Variants in PRRC2B observed in about 807,000 individuals in gnomAD.
PRRC2B encodes protein PRRC2B.
A neutral mutation model predicts 242.3 loss-of-function variants in PRRC2B; 68 were observed. The ratio of observed to expected loss-of-function variants is 0.28; its 90% CI spans 0.23 to 0.34. PRRC2B has a LOEUF of 0.34. Among genes scored for constraint, PRRC2B ranks in the 10% least tolerant of loss-of-function variants. The pLI is 1.00. For synonymous variants in PRRC2B, 1,228 were observed against 1,173.6 expected (o/e 1.05, Z -0.95); for missense variants, 2,835 against 2,954.8 (o/e 0.96, Z 0.94).
At chr9:131,383,963 G>C (rs1167173472) in intron 1 of PRRC2B, among the ~76,000 whole-genome samples, 1 of 151,956 alleles carries the variant, frequency 6.6e-6, no homozygotes, top group South Asian at 2.1e-4. Flanking sequence ...CTGTCACCCA[G>C]GTTGGAGTCC....
chr9:131,386,217 A>G lies in PRRC2B; in HGVS notation c.-56+12486A>G, dbSNP rs973742679. ...AGCCTCGACTTCCTGGGCTCAAGCA[A>G]TCCTCCCACCTCAGCCTCCGGAATA... On this transcript the variant is annotated intron_variant, in intron 1 of 1. Coordinates refer to the PRRC2B transcript ENST00000682525. Among the ~76,000 whole-genome samples, 36 of 149,940 alleles carry G rather than the reference A, an allele frequency of 2.4e-4. 2 individuals are homozygous for G. The highest frequency in any genetic ancestry group is 2.1e-4 in the Admixed American group (3 of 14,358).
chr9:131,486,851 G>C (rs1944038235), intron 26 of PRRC2B, among the ~76,000 whole-genome samples: 1 of 152,234 alleles, frequency 6.6e-6, no homozygotes, highest in African/African-American at 2.4e-5. Context: ...CAGACTGCAT[G>C]TATCTTTCTT....
intron 10 of PRRC2B, among the ~76,000 whole-genome samples, chr9:131,456,977 G>A (rs547992886): frequency 6.6e-6 from 1 of 152,238 alleles, no homozygotes; most frequent in Admixed American, 6.5e-5. Flanking sequence ...TTAATGCTTT[G>A]CTGTTGGTCT....
intron 19 of PRRC2B, among the ~76,000 whole-genome samples, chr9:131,480,203 T>C (rs1943817926): frequency 6.6e-6 from 1 of 152,216 alleles, no homozygotes; most frequent in Non-Finnish European, 1.5e-5. Context: ...TCCAGGGTCA[T>C]AGGACAAGCA....
intron 28 of PRRC2B, chr9:131,491,026 A>G: frequency 4.3e-6 from 1 of 235,254 alleles, no homozygotes; most frequent in Non-Finnish European, 8.5e-6. Flanking sequence ...CATGTTGGAC[A>G]GGGCCCTGCC....
In PRRC2B at chr9:131,446,385, C is replaced by T; in HGVS notation, c.614-16C>T. On this transcript the variant is annotated splice_polypyrimidine_tract_variant and intron_variant, in intron 6 of 31. Coordinates refer to ENST00000683519, the MANE Select transcript of PRRC2B (RefSeq NM_013318.4). The surrounding 1 kb of genome is among the most constrained non-coding windows in gnomAD (Gnocchi z 4.1). ...CTCCTCTTCCCTCTCCCCTTTTGCC[C>T]CCTTTCAATTTCCAGATGTGACAAG... 2 of 1,613,208 alleles carry T rather than the reference C, an allele frequency of 1.2e-6. No homozygotes were observed. Among genetic ancestry groups the T allele is most frequent in the Non-Finnish European group, 1.7e-6 (2 of 1,179,644 alleles).
In PRRC2B at chr9:131,413,566, C is replaced by T. The variant is rs190357075; in HGVS notation, c.-51-16528C>T. Among the ~76,000 whole-genome samples, 5 of 152,354 alleles carry T rather than the reference C, an allele frequency of 3.3e-5. No homozygotes were observed. In the East Asian group the frequency reaches 9.6e-4, roughly 29 times the overall value. ...AATTTTTAGTGGAGACGTGCTCTCA[C>T]TGTGTTGCCCAGGCTGGTCTCAAAC... On this transcript the variant is annotated intron_variant, in intron 1 of 31. Transcript: ENST00000683519.
intron 1 of PRRC2B, among the ~76,000 whole-genome samples, chr9:131,396,058 G>A (rs915038478): frequency 3.9e-5 from 6 of 152,206 alleles, no homozygotes; most frequent in Admixed American, 2.6e-4. Context: ...CCTTTACAAA[G>A]CAAGTCTCTG....
In PRRC2B at chr9:131,496,844, C is replaced by G. The variant is rs1248314505; in HGVS notation, c.*970C>G. On this transcript the variant is annotated 3_prime_UTR_variant, in exon 32 of 32. Transcript: ENST00000683519. ...GGCCCAGATGGGGTGAGCTGACATA[C>G]CACAGGCCCATCCCAGGCCCCGTGG... 6.6e-6 allele frequency: 1 copy of G among 151,712 alleles called. No individual in the cohort carries two copies. The highest frequency in any genetic ancestry group is 2.4e-5 in the African/African-American group (1 of 41,416). The allele number at this position is 151,712 out of a possible 1,614,324, so 9.4% of individuals were successfully genotyped here.
chr9:131,498,900 C>G lies in PRRC2B; in HGVS notation c.*3026C>G, dbSNP rs1250895474. ...GTGGGTATACATCTCAGATGCCCAT[C>G]TACCCACTGGGGACTTCAATGCCAG... On this transcript the variant is annotated 3_prime_UTR_variant, in exon 32 of 32. Coordinates refer to ENST00000683519, the MANE Select transcript of PRRC2B (RefSeq NM_013318.4). 6.6e-6 allele frequency: 1 copy of G among 152,192 alleles called. No individual in the cohort carries two copies. Among genetic ancestry groups the G allele is most frequent in the Non-Finnish European group, 1.5e-5 (1 of 68,032 alleles). 9.4% of individuals were successfully genotyped at this position (152,192 alleles called of 1,614,324 possible). A position where few individuals can be genotyped will look rare whatever the true frequency, so the allele number is the denominator to read the frequency against.
chr9:131,429,063 C>T (rs1390903119), intron 1 of PRRC2B, among the ~76,000 whole-genome samples: 3 of 152,196 alleles, frequency 2.0e-5, no homozygotes, highest in Admixed American at 6.5e-5. Context: ...TCTCCTGCCT[C>T]ATCCTCCTCA....
intron 1 of PRRC2B, 27 bp downstream of exon 1, chr9:131,394,290 G>T: frequency 6.8e-6 from 1 of 146,976 alleles, no homozygotes; most frequent in South Asian, 1.9e-4. Context: ...GCCGGGGCCG[G>T]GGCGTGGGGG....
chr9:131,467,463 AGCGTACGG>A (rs2131429062), intron 12 of PRRC2B, 92 bp from the exon 13 acceptor site: 1 of 1,035,028 alleles, frequency 9.7e-7, no homozygotes, highest in African/African-American at 1.6e-5. Context: ...CTAGCAGTGG[AGCGTACGG>A]GCCAACAGGA....
At chr9:131,481,957 A>C (rs1020590184) in intron 20 of PRRC2B, 149 bp downstream of exon 20, 1 of 738,340 alleles carries the variant, frequency 1.4e-6, no homozygotes, top group Non-Finnish European at 2.3e-6. Context: ...GGCCAAGCTC[A>C]TCAGTGGTTT....
At chr9:131,410,205 C>T (rs1837470548) in intron 1 of PRRC2B, among the ~76,000 whole-genome samples, 2 of 152,336 alleles carry the variant, frequency 1.3e-5, no homozygotes, top group South Asian at 4.1e-4. Context: ...AGCCAGAGTC[C>T]TCTTCAGGCT....
rs1225652672 is a variant in PRRC2B, at chr9:131,479,212, G to A, written c.4759-40G>A. On this transcript the variant is annotated intron_variant, in intron 18 of 31. Coordinates refer to ENST00000683519, the MANE Select transcript of PRRC2B (RefSeq NM_013318.4). ...TCCTGGGGAGAATTTGTCAGTCTTGGTGCCTTTGGCTAGACTACAGCATCC... is the reference window on the plus strand; with the variant it reads ...TCCTGGGGAGAATTTGTCAGTCTTGATGCCTTTGGCTAGACTACAGCATCC... The A allele has an allele frequency of 4.4e-6, 7 of 1,605,198 alleles. No individual in the cohort carries two copies. In the African/African-American group the frequency reaches 9.4e-5, roughly 21 times the overall value.
chr9:131,475,802 C>T lies in PRRC2B; in HGVS notation c.3673C>T (p.Pro1225Ser), dbSNP rs1943676793. ...GRRTFVSKES[P>S]HWQSKSPGSS... The stretch of plus-strand genomic sequence containing the variant: ...GAGAACCTTCGTCTCCAAAGAGTCA[C>T]CCCACTGGCAGAGCAAAAGTCCAGG... The change falls in exon 16 of 32, where the codon CCC (proline) becomes TCC (serine). Residue 1225 changes from proline (P) to serine (S), a missense_variant. Physicochemically the swap from Pro to Ser is moderately conservative, Grantham distance 74. Transcript: ENST00000683519. 1 of 1,612,796 alleles carries T rather than the reference C, an allele frequency of 6.2e-7. No homozygotes were observed. The highest frequency in any genetic ancestry group is 1.3e-5 in the African/African-American group (1 of 74,912).
chr9:131,420,493 CTTTTTT>C (rs146073511), intron 1 of PRRC2B, among the ~76,000 whole-genome samples: 14 of 30,168 alleles, frequency 4.6e-4, no homozygotes, highest in African/African-American at 9.7e-4. Context: ...TTCTTTCTTT[CTTTTTT>C]TTTTTTTTTT....
At chr9:131,420,455 T>TCTTTC (rs1554758582) in intron 1 of PRRC2B, among the ~76,000 whole-genome samples, 1 of 10,058 alleles carries the variant, frequency 9.9e-5, no homozygotes, top group Non-Finnish European at 4.6e-4. Context: ...CTTTTTCTTT[T>TCTTTC]TCTTTCTTTC....
Sources: gnomAD v4.1 joint callset for allele counts (sites outside exome capture counted in the v4.1 genomes callset) on GRCh38, gnomAD v4.1.1 for gene constraint, Gnocchi (gnomAD v3.1) non-coding constraint, MANE v1.5 for transcripts, NCBI Gene and HGNC (gene_info 2026-07-23, HGNC 2026-07-21) for gene names.